Variants in ENPP7 observed in about 807,000 individuals in gnomAD.
ENPP7 encodes ectonucleotide pyrophosphatase/phosphodiesterase family member 7.
ENPP7 carries 39 observed loss-of-function variants against 33.6 expected under a neutral mutation model. The ratio of observed to expected loss-of-function variants is 1.16; its 90% CI spans 0.90 to 1.52. The LOEUF (loss-of-function observed/expected upper bound fraction) is 1.52. ENPP7 is among the 40% of genes most tolerant of loss of function. The pLI is 0.00. For missense variants in ENPP7, 594 were observed against 641.0 expected, an observed-to-expected ratio of 0.93 and a Z score of 0.79; for synonymous variants, 244 against 274.3, an observed-to-expected ratio of 0.89 and a Z score of 1.09.
In ENPP7 at chr17:79,741,983, C is replaced by G. The variant is rs1346171384; in HGVS notation, c.*206C>G. 13 of 984,736 alleles carry G rather than the reference C, an allele frequency of 1.3e-5. No homozygotes were observed. Among genetic ancestry groups the G allele is most frequent in the Non-Finnish European group, 1.6e-5 (13 of 829,118 alleles). The allele number at this position is 984,736 out of a possible 1,614,324, so 61.0% of individuals were successfully genotyped here. A position where few individuals can be genotyped will look rare whatever the true frequency, so the allele number is the denominator to read the frequency against. On this transcript the variant is annotated 3_prime_UTR_variant, in exon 6 of 6. Coordinates refer to ENST00000328313, the MANE Select transcript of ENPP7 (RefSeq NM_178543.5). ...AGCCTCGCAGCCCAGGTCCAGAGCCCCCGGCGAGCCGGTCCCATAACCGGC... is the reference window on the plus strand; with the variant it reads ...AGCCTCGCAGCCCAGGTCCAGAGCCGCCGGCGAGCCGGTCCCATAACCGGC...
Position 79,735,767 on chromosome 17 carries a change from C to A in ENPP7, c.1026+98C>A. 8.6e-7 allele frequency: 1 copy of A among 1,163,406 alleles called. No individual in the cohort carries two copies. 72.1% of individuals were successfully genotyped at this position (1,163,406 alleles called of 1,614,324 possible). A position where few individuals can be genotyped will look rare whatever the true frequency, so the allele number is the denominator to read the frequency against. The stretch of plus-strand genomic sequence containing the variant: ...GAGACCAGGGTCTTGCTCTGTTGCC[C>A]AGGCTGGAGTGCAATGGCAGGATCT... On this transcript the variant is annotated intron_variant, in intron 3 of 5. Coordinates refer to ENST00000328313, the MANE Select transcript of ENPP7 (RefSeq NM_178543.5). The surrounding 1 kb of genome is among the most constrained non-coding windows in gnomAD (Gnocchi z 5.5).
intron 2 of ENPP7, among the ~76,000 whole-genome samples, chr17:79,734,295 G>C (rs558512701): frequency 6.6e-6 from 1 of 152,046 alleles, no homozygotes; most frequent in African/African-American, 2.4e-5. Context: ...CACTCAAGCC[G>C]GGGTTCCCTC....
intron 5 of ENPP7, among the ~76,000 whole-genome samples, chr17:79,740,473 T>G (rs1260511860): frequency 2.0e-5 from 3 of 152,168 alleles, no homozygotes; most frequent in African/African-American, 4.8e-5. Flanking sequence ...CCTGCCTCTC[T>G]GTGCTCAGGG....
chr17:79,733,103 C>T (rs1555822852), intron 1 of ENPP7, among the ~76,000 whole-genome samples: 2 of 152,206 alleles, frequency 1.3e-5, no homozygotes, highest in African/African-American at 4.8e-5. Flanking sequence ...CCTGGGATCT[C>T]GTCTGATGGC....
At position 79,737,822 on chromosome 17, in the gene ENPP7, C is replaced by T. The variant is rs1332762172; in HGVS notation, c.1247-94C>T. On this transcript the variant is annotated intron_variant, in intron 4 of 5. Coordinates refer to ENST00000328313, the MANE Select transcript of ENPP7 (RefSeq NM_178543.5). This position sits in a 1 kb window ranked among gnomAD's most constrained non-coding sequence, Gnocchi z 5.5. ...GGCGGTGAAAGAGGAAGGAGGGGCT[C>T]GTGGGGACCAACAGAGGACCCCGAG... 8 of 1,378,140 alleles carry T rather than the reference C, an allele frequency of 5.8e-6. No homozygotes were observed. The highest frequency in any genetic ancestry group is 3.6e-5 in the South Asian group (3 of 82,348). 85.4% of individuals were successfully genotyped at this position (1,378,140 alleles called of 1,614,324 possible). A position where few individuals can be genotyped will look rare whatever the true frequency, so the allele number is the denominator to read the frequency against.
At position 79,735,289 on chromosome 17, in the gene ENPP7, G is replaced by T. The variant is rs1000490194; in HGVS notation, c.646G>T (p.Val216Leu). 6.2e-7 allele frequency: 1 copy of T among 1,613,480 alleles called. No homozygotes were observed. The highest frequency in any genetic ancestry group is 2.2e-5 in the East Asian group (1 of 44,880). Residue 216 changes from valine (V) to leucine (L), a missense_variant, in exon 3 of 6, where the codon GTG (valine) becomes TTG (leucine). This residue lies in a region of ENPP7 where 504 missense variants were observed against 512.8 expected (regional missense o/e 0.98). Coordinates refer to ENST00000328313, the MANE Select transcript of ENPP7 (RefSeq NM_178543.5). This position sits in a 1 kb window ranked among gnomAD's most constrained non-coding sequence, Gnocchi z 5.5. ...GPESPERREM[V>L]RQVDRTVGYL... ...CGAGTCCCCGGAGAGGAGGGAGATG[G>T]TGCGGCAGGTGGACCGGACCGTGGG...
Position 79,737,224 on chromosome 17 carries a change from G to T in ENPP7, c.1210G>T (p.Gly404Trp). The T allele has an allele frequency of 6.2e-7, 1 of 1,610,514 alleles. No individual in the cohort carries two copies. Among genetic ancestry groups the T allele is most frequent in the African/African-American group, 1.3e-5 (1 of 75,022 alleles). The change falls in exon 4 of 6, where the codon GGG (glycine) becomes TGG (tryptophan). Residue 404 changes from glycine to tryptophan, a missense_variant. Gly to Trp is a radical substitution (Grantham distance 184). Transcript: ENST00000328313. The surrounding 1 kb of genome is among the most constrained non-coding windows in gnomAD (Gnocchi z 5.5). ...LLGIVPEANDGHLATLLPMLH... is the reference protein window; with the variant it reads ...LLGIVPEANDWHLATLLPMLH... ...GGGCATCGTGCCCGAGGCCAACGAT[G>T]GGCACCTAGCTACTCTGCTGCCCAT...
Position 79,735,749 on chromosome 17 carries a change from G to A in ENPP7, c.1026+80G>A. 7.5e-7 allele frequency: 1 copy of A among 1,333,294 alleles called. No homozygotes were observed. The highest frequency in any genetic ancestry group is 1.4e-5 in the South Asian group (1 of 70,480). 82.6% of individuals were successfully genotyped at this position (1,333,294 alleles called of 1,614,324 possible). A position where few individuals can be genotyped will look rare whatever the true frequency, so the allele number is the denominator to read the frequency against. On this transcript the variant is annotated intron_variant, in intron 3 of 5. Transcript: ENST00000328313. The surrounding 1 kb of genome is among the most constrained non-coding windows in gnomAD (Gnocchi z 5.5). ...TCTTCTTTTTTTTTTTTTGAGACCA[G>A]GGTCTTGCTCTGTTGCCCAGGCTGG...
rs1555824000 is a variant in ENPP7, at chr17:79,738,044, T to C, written c.1375T>C (p.Ter459GlnextTer?). 1 of 1,610,474 alleles carries C rather than the reference T, an allele frequency of 6.2e-7. No homozygotes were observed. Among genetic ancestry groups the C allele is most frequent in the African/African-American group, 1.3e-5 (1 of 75,042 alleles). ...GTVILLSEVA[*>Q] The stretch of plus-strand genomic sequence containing the variant: ...CGTGATTCTTCTGTCTGAGGTCGCA[T>C]AACGCCCCATGGCTCAAGGTCAGAG... Residue 459 changes from the stop codon to glutamine (Q), a stop_lost, in exon 5 of 6, where the codon TAA becomes CAA. Transcript: ENST00000328313. The surrounding 1 kb of genome is among the most constrained non-coding windows in gnomAD (Gnocchi z 6.2).
intron 5 of ENPP7, among the ~76,000 whole-genome samples, chr17:79,740,876 T>C (rs1444239384): frequency 6.6e-6 from 1 of 152,234 alleles, no homozygotes; most frequent in Non-Finnish European, 1.5e-5. Context: ...ACAAGCAGCA[T>C]CTGCTGGGCT....
In ENPP7 at chr17:79,737,245, C is replaced by T. The variant is rs781825068; in HGVS notation, c.1231C>T (p.Pro411Ser). ...ANDGHLATLL[P>S]MLHTESALPP... Reference sequence around the variant, plus strand: ...CGATGGGCACCTAGCTACTCTGCTGCCCATGCTGCACACAGGTGAGGGCAG... The same window carrying T: ...CGATGGGCACCTAGCTACTCTGCTGTCCATGCTGCACACAGGTGAGGGCAG... The change falls in exon 4 of 6, where the codon CCC becomes TCC. Residue 411 changes from proline to serine, a missense_variant. Pro to Ser is a moderately conservative substitution (Grantham distance 74). Transcript: ENST00000328313. This position sits in a 1 kb window ranked among gnomAD's most constrained non-coding sequence, Gnocchi z 5.5. 3 of 1,606,060 alleles carry T rather than the reference C, an allele frequency of 1.9e-6. No individual in the cohort carries two copies. The highest frequency in any genetic ancestry group is 2.5e-6 in the Non-Finnish European group (3 of 1,178,814).
chr17:79,736,151 CGCCTCA>C (rs1292886712), intron 3 of ENPP7, among the ~76,000 whole-genome samples: 3 of 152,042 alleles, frequency 2.0e-5, no homozygotes, highest in Non-Finnish European at 4.4e-5. Flanking sequence ...GCGATCCACC[CGCCTCA>C]GCCTCCCAAA....
At chr17:79,740,914 C>T (rs1905476531) in intron 5 of ENPP7, among the ~76,000 whole-genome samples, 1 of 152,168 alleles carries the variant, frequency 6.6e-6, no homozygotes, top group Non-Finnish European at 1.5e-5. Context: ...CTGGGGGGTC[C>T]GAAGTTTTCA....
chr17:79,738,010 G>T lies in ENPP7; in HGVS notation c.1341G>T (p.Leu447=). Residue 447 remains leucine (L), a synonymous_variant, in exon 5 of 6, where the codon CTG becomes CTT. Coordinates refer to ENST00000328313, the MANE Select transcript of ENPP7 (RefSeq NM_178543.5). This position sits in a 1 kb window ranked among gnomAD's most constrained non-coding sequence, Gnocchi z 6.2. ...GCAGGCCCCTCCTCGTGATGGGACT[G>T]CTGGGGACCGTGATTCTTCTGTCTG... The part of the protein sequence containing the change: ...PSSRPLLVMG[L]LGTVILLSEV... The T allele has an allele frequency of 6.2e-7, 1 of 1,613,110 alleles. No homozygotes were observed. Among genetic ancestry groups the T allele is most frequent in the Non-Finnish European group, 8.5e-7 (1 of 1,180,002 alleles).
chr17:79,733,830 G>T (rs562655072), intron 2 of ENPP7, among the ~76,000 whole-genome samples, 177 bp downstream of exon 2: 1 of 152,166 alleles, frequency 6.6e-6, no homozygotes. Flanking sequence ...GGCAGGTGGT[G>T]GGTGCTGGTG....
chr17:79,733,468 C>T (rs782411680), intron 1 of ENPP7, 40 bp from the exon 2 acceptor site: 11 of 1,600,644 alleles, frequency 6.9e-6, no homozygotes, highest in Admixed American at 3.4e-5. Flanking sequence ...GCTGTGACCC[C>T]GGTCCATCCC....
intron 5 of ENPP7, among the ~76,000 whole-genome samples, chr17:79,740,330 C>A (rs76933149): frequency 0.056 from 8,589 of 152,240 alleles, 330 homozygotes; most frequent in Middle Eastern, 0.11. Flanking sequence ...CCCTTCAGCC[C>A]GAACCCCTCA....
intron 1 of ENPP7, among the ~76,000 whole-genome samples, chr17:79,732,709 C>T (rs188249463): frequency 1.3e-5 from 2 of 152,218 alleles, no homozygotes; most frequent in South Asian, 2.1e-4. Flanking sequence ...GTACACCAGT[C>T]GCTGAATTTC....
rs1004274200 is a variant in ENPP7 at position 79,734,905 on chromosome 17, C to T, written c.400-138C>T. On this transcript the variant is annotated intron_variant, in intron 2 of 5. Transcript: ENST00000328313. ...TCAGGGATGTTTTAGAAATTAAAGG[C>T]CCCGCAGCTGCAGCTAGGAGCAGGG... 25 of 844,216 alleles carry T rather than the reference C, an allele frequency of 3.0e-5. No individual in the cohort carries two copies. In the East Asian group the frequency reaches 6.1e-4, roughly 21 times the overall value. The allele number at this position is 844,216 out of a possible 1,614,324, so 52.3% of individuals were successfully genotyped here.
Sources: gnomAD v4.1 joint callset for allele counts (sites outside exome capture counted in the v4.1 genomes callset) on GRCh38, gnomAD v4.1.1 for gene constraint, gnomAD v4.1.1 regional missense constraint, Gnocchi (gnomAD v3.1) non-coding constraint, MANE v1.5 for transcripts, NCBI Gene and HGNC (gene_info 2026-07-23, HGNC 2026-07-21) for gene names.